NUP85: variants seen among roughly 807,000 people sequenced by gnomAD.
NUP85 encodes the protein nuclear pore complex protein Nup85.
NUP85 carries 23 observed loss-of-function variants against 92.8 expected under a neutral mutation model. The observed-to-expected ratio is 0.25, with a 90% CI of 0.18 to 0.35. The LOEUF is 0.35. Ranked by LOEUF, NUP85 falls within the 10% of genes least tolerant of loss-of-function variation. NUP85 has a pLI of 1.00. For missense variants in NUP85, 759 were observed against 822.8 expected (o/e 0.92, Z 0.95); for synonymous variants, 314 against 306.9 (o/e 1.02, Z -0.24).
rs1210722961 is a variant in NUP85 at position 75,208,584 on chromosome 17, G to A, written c.91G>A (p.Glu31Lys). ...AATGTATTTTGACTGGGGTCCAGGGGAGATGCTGGTATGTGAAACCTCCTT... is the reference window on the plus strand; with the variant it reads ...AATGTATTTTGACTGGGGTCCAGGGAAGATGCTGGTATGTGAAACCTCCTT... ...NQMYFDWGPG[E>K]MLVCETSFNK... Residue 31 changes from glutamate to lysine, a missense_variant, in exon 2 of 19, where the codon GAG becomes AAG. Glu to Lys is a moderately conservative substitution (Grantham distance 56, BLOSUM62 1). Transcript: ENST00000245544. 3 of 1,609,698 alleles carry A rather than the reference G, an allele frequency of 1.9e-6. No individual in the cohort carries two copies.
At chr17:75,227,916 C>G (rs1003066873) in intron 11 of NUP85, 22 of 152,420 alleles carry the variant, frequency 1.4e-4, no homozygotes, top group African/African-American at 5.3e-4. Flanking sequence ...GCTAGGATTA[C>G]AGGCGTAAGC....
At chr17:75,210,561 G>A (rs1408654093) in intron 3 of NUP85, among the ~76,000 whole-genome samples, 1 of 152,156 alleles carries the variant, frequency 6.6e-6, no homozygotes, top group Non-Finnish European at 1.5e-5. Flanking sequence ...TTAGATTTTT[G>A]TCAGCGTCCC....
At chr17:75,211,938 G>C in intron 3 of NUP85, 54 bp from the exon 4 acceptor site, 19 of 1,360,262 alleles carry the variant, frequency 1.4e-5, no homozygotes, top group East Asian at 2.4e-5. Context: ...TCCTTCCTTT[G>C]TGGCACTACA....
chr17:75,218,439 T>C, intron 7 of NUP85, 133 bp downstream of exon 7: 1 of 1,082,060 alleles, frequency 9.2e-7, no homozygotes, highest in East Asian at 2.5e-5. Context: ...GAGACTCTTT[T>C]GGATCTTTTC....
At chr17:75,211,258 G>T (rs1188244583) in intron 3 of NUP85, among the ~76,000 whole-genome samples, 3 of 150,392 alleles carry the variant, frequency 2.0e-5, no homozygotes, top group Non-Finnish European at 4.4e-5. Flanking sequence ...CCACCTCAGC[G>T]TCCCAAAGTG....
chr17:75,226,798 GA>G, intron 11 of NUP85: 2 of 443,636 alleles, frequency 4.5e-6, no homozygotes, highest in Non-Finnish European at 9.1e-6. Context: ...TTAAAATCTA[GA>G]AAAAGCCAGC....
In NUP85 at chr17:75,205,751, G is replaced by C. The variant is rs751864770; in HGVS notation, c.-11G>C. 2 of 1,614,196 alleles carry C rather than the reference G, an allele frequency of 1.2e-6. No homozygotes were observed. The highest frequency in any genetic ancestry group is 2.2e-5 in the South Asian group (2 of 91,090). On this transcript the variant is annotated 5_prime_UTR_variant, in exon 1 of 19. Transcript: ENST00000245544. Reference sequence around the variant, plus strand: ...GTCCGAGCGACTTCTAGGAGCCTGGGGTTCGGCGCTATGGAGGAGCTCGAT... The same window carrying C: ...GTCCGAGCGACTTCTAGGAGCCTGGCGTTCGGCGCTATGGAGGAGCTCGAT...
chr17:75,215,158 C>T (rs182712039), intron 5 of NUP85, among the ~76,000 whole-genome samples: 2 of 152,268 alleles, frequency 1.3e-5, no homozygotes, highest in African/African-American at 2.4e-5. Context: ...GCAGCAAGAG[C>T]CAAACTCCAT....
rs371471946 is a variant in NUP85, at chr17:75,232,896, A to G, written c.1442A>G (p.Asn481Ser). 1.8e-4 allele frequency: 283 copies of G among 1,614,054 alleles called. No individual in the cohort carries two copies. The highest frequency in any genetic ancestry group is 2.3e-4 in the Non-Finnish European group (268 of 1,180,038). The change falls in exon 15 of 19, where the codon AAT (asparagine) becomes AGT (serine). Residue 481 changes from asparagine (N) to serine (S), a missense_variant. Asn to Ser is a conservative substitution (Grantham distance 46). Coordinates refer to ENST00000245544, the MANE Select transcript of NUP85 (RefSeq NM_024844.5). Reference protein sequence around the residue: ...KILAMKAVRNNRLGSALSWSI... With the variant: ...KILAMKAVRNSRLGSALSWSI... ...TTAGCCATGAAAGCCGTCCGCAACA[A>G]TCGCCTGGGTTCTGCCCTCTCTTGG...
chr17:75,219,971 G>A (rs2075549438), intron 7 of NUP85, among the ~76,000 whole-genome samples: 1 of 152,090 alleles, frequency 6.6e-6, no homozygotes, highest in Non-Finnish European at 1.5e-5. Flanking sequence ...GATAAAGACA[G>A]AGCGATACCA....
rs561504103 is a variant in NUP85, at chr17:75,231,846, C to G, written c.1263C>G (p.Val421=). 4 of 1,614,022 alleles carry G rather than the reference C, an allele frequency of 2.5e-6. No individual in the cohort carries two copies. Among genetic ancestry groups the G allele is most frequent in the Non-Finnish European group, 3.4e-6 (4 of 1,179,954 alleles). ...FAHPSLWQLG[V]DYFDYCPELG... ...TTTGCAGCCTGTGGCAGCTGGGGGT[C>G]GATTACTTTGATTACTGCCCCGAGC... The change falls in exon 14 of 19, where the codon GTC becomes GTG. Residue 421 remains valine (V), a synonymous_variant. Coordinates refer to ENST00000245544, the MANE Select transcript of NUP85 (RefSeq NM_024844.5). This position sits in a 1 kb window ranked among gnomAD's most constrained non-coding sequence, Gnocchi z 4.6.
chr17:75,220,710 A>T (rs2075572373), intron 7 of NUP85, among the ~76,000 whole-genome samples: 1 of 150,166 alleles, frequency 6.7e-6, no homozygotes, highest in African/African-American at 2.5e-5. Flanking sequence ...TCAGTCTACC[A>T]AGTAGCTGGG....
intron 1 of NUP85, 25 bp from the exon 2 acceptor site, chr17:75,208,502 A>T (rs1435176943): frequency 8.3e-7 from 1 of 1,205,576 alleles, no homozygotes; most frequent in African/African-American, 1.5e-5. Flanking sequence ...TTTTCATTTT[A>T]GATTTCTATG....
rs545337450 is a variant in NUP85, at chr17:75,232,448, T to G, written c.1397-403T>G. ...AGTTATTACCCTGCAGAGAGGCAGT[T>G]GCATGTTCACGACCATTTCTGAAAG... On this transcript the variant is annotated intron_variant, in intron 14 of 18. Transcript: ENST00000245544. Among the ~76,000 whole-genome samples, 3 of 152,298 alleles carry G rather than the reference T, an allele frequency of 2.0e-5. 1 individual carries two copies. The highest frequency in any genetic ancestry group is 7.2e-5 in the African/African-American group (3 of 41,546).
At chr17:75,234,821 T>C in intron 17 of NUP85, 33 bp downstream of exon 17, 1 of 1,612,610 alleles carries the variant, frequency 6.2e-7, no homozygotes, top group Non-Finnish European at 8.5e-7. Flanking sequence ...TTTTCTTTGC[T>C]TGTCAGTCCC....
intron 7 of NUP85, among the ~76,000 whole-genome samples, chr17:75,222,503 T>A (rs2075625644): frequency 2.0e-4 from 4 of 19,516 alleles, no homozygotes; most frequent in East Asian, 3.7e-3. Context: ...TGATTTTTTT[T>A]TTTTTTTTTT....
intron 5 of NUP85, 86 bp from the exon 6 acceptor site, chr17:75,215,668 T>G (rs997528945): frequency 1.7e-6 from 2 of 1,200,470 alleles, no homozygotes; most frequent in Admixed American, 1.8e-5. Flanking sequence ...GACTGTCATA[T>G]GAGTCAAAGT....
In NUP85 at chr17:75,235,198, C is replaced by T; in HGVS notation, c.1866C>T (p.Leu622=). 6.2e-7 allele frequency: 1 copy of T among 1,610,454 alleles called. No homozygotes were observed. The highest frequency in any genetic ancestry group is 8.5e-7 in the Non-Finnish European group (1 of 1,178,166). The change falls in exon 18 of 19, where the codon CTC becomes CTT. Residue 622 remains leucine (L), a synonymous_variant. Coordinates refer to ENST00000245544, the MANE Select transcript of NUP85 (RefSeq NM_024844.5). ...ATGGAGAATCTGATACCGAGCAGCT[C>T]CAGGTCATTTTCACTTTTGGGTTGA... The part of the protein sequence containing the change: ...PVHGESDTEQ[L]QDDDIETTKV...
In NUP85 at chr17:75,213,114, A is replaced by T. The variant is rs1376347042; in HGVS notation, c.400A>T (p.Ser134Cys). The change falls in exon 5 of 19, where the codon AGC (serine) becomes TGC (cysteine). Residue 134 changes from serine (S) to cysteine (C), a missense_variant. By Grantham distance (112) the Ser-to-Cys change is moderately radical. Transcript: ENST00000245544. ...TCCAGCCAATGGCCGCCAGTTCAGC[A>T]GCCAGGTAAGGGGAGTCACCTTTAT... The part of the protein sequence containing the change: ...KDPANGRQFS[S>C]QVSILSAMEL... The T allele has an allele frequency of 1.2e-6, 2 of 1,613,614 alleles. No homozygotes were observed. Among genetic ancestry groups the T allele is most frequent in the South Asian group, 2.2e-5 (2 of 90,894 alleles).
Sources: gnomAD v4.1 joint callset for allele counts (sites outside exome capture counted in the v4.1 genomes callset) on GRCh38, gnomAD v4.1.1 for gene constraint, Gnocchi (gnomAD v3.1) non-coding constraint, MANE v1.5 for transcripts, NCBI Gene and HGNC (gene_info 2026-07-23, HGNC 2026-07-21) for gene names.